The following MDGA2 variants were observed in gnomAD, a reference collection of about 807,000 sequenced individuals.
MDGA2 encodes MAM domain containing glycosylphosphatidylinositol anchor 2.
MDGA2 carries 40 observed loss-of-function variants against 117.8 expected under a neutral mutation model. The ratio of observed to expected loss-of-function variants is 0.34; its 90% CI spans 0.26 to 0.44. The LOEUF (loss-of-function observed/expected upper bound fraction) is 0.44. Among genes scored for constraint, MDGA2 ranks in the 20% least tolerant of loss-of-function variants. The probability of loss-of-function intolerance (pLI) is 1.00; values close to 1 mark genes in which losing one functional copy is unlikely to be tolerated. For synonymous variants in MDGA2, 452 were observed against 439.0 expected, an observed-to-expected ratio of 1.03 and a Z score of -0.37; for missense variants, 1,123 against 1,250.6, an observed-to-expected ratio of 0.90 and a Z score of 1.54.
At chr14:47,380,992 C>T (rs1049737497) in intron 1 of MDGA2, among the ~76,000 whole-genome samples, 2 of 152,156 alleles carry the variant, frequency 1.3e-5, no homozygotes, top group Non-Finnish European at 2.9e-5. Context: ...TCCAGCAGCA[C>T]ATCAAAAAGC....
In MDGA2 at chr14:47,132,344, C is replaced by G. The variant is rs557903499; in HGVS notation, c.793-498G>C. 3.9e-5 allele frequency among the ~76,000 whole-genome samples: 6 copies of G among 152,018 alleles called. No individual in the cohort carries two copies. The South Asian group carries it at 6.2e-4, about 16-fold the overall frequency. On this transcript the variant is annotated intron_variant, in intron 4 of 16. Coordinates refer to ENST00000399232, the MANE Select transcript of MDGA2 (RefSeq NM_001113498.3). Reference sequence around the variant, plus strand: ...ACGTAAATCTAATGATAGATAATTACATTTATAAACATAAATATTTTGTAT... The same window carrying G: ...ACGTAAATCTAATGATAGATAATTAGATTTATAAACATAAATATTTTGTAT...
At chr14:46,906,997 A>G (rs2933185) in intron 10 of MDGA2, among the ~76,000 whole-genome samples, 1,256 of 60,572 alleles carry the variant, frequency 0.021, 13 homozygotes, top group Middle Eastern at 0.11. Context: ...TTTTTTTTTG[A>G]GACGAGTCTT....
chr14:47,661,751 T>A (rs1353050501), intron 1 of MDGA2, among the ~76,000 whole-genome samples: 1 of 145,434 alleles, frequency 6.9e-6, no homozygotes, highest in East Asian at 2.0e-4. Context: ...AGTTTCTTTT[T>A]TTTTTTTTTT....
At chr14:47,194,880 T>C (rs1885234602) in intron 3 of MDGA2, among the ~76,000 whole-genome samples, 1 of 152,082 alleles carries the variant, frequency 6.6e-6, no homozygotes, top group African/African-American at 2.4e-5. Flanking sequence ...CTTCATGCCT[T>C]TCCCATAGCC....
At chr14:46,973,433 T>A (rs1959809) in intron 8 of MDGA2, among the ~76,000 whole-genome samples, 104,488 of 151,964 alleles carry the variant, frequency 0.69, 36,988 homozygotes, top group African/African-American at 0.81. Context: ...AGCTTATACA[T>A]AAAGCTTGCA....
chr14:47,478,814 C>CA (rs1186226306), intron 1 of MDGA2, among the ~76,000 whole-genome samples: 1 of 152,166 alleles, frequency 6.6e-6, no homozygotes, highest in African/African-American at 2.4e-5. Flanking sequence ...CAATGGATGA[C>CA]AGATCACGCT....
intron 1 of MDGA2, among the ~76,000 whole-genome samples, chr14:47,577,260 C>T (rs1488253860): frequency 6.6e-6 from 1 of 152,044 alleles, no homozygotes; most frequent in African/African-American, 2.4e-5. Context: ...CCCTTCCTTA[C>T]ACCTCATACA....
chr14:47,282,444 C>T (rs956873247), intron 2 of MDGA2, among the ~76,000 whole-genome samples: 6 of 152,046 alleles, frequency 3.9e-5, no homozygotes, highest in Non-Finnish European at 7.4e-5. Context: ...CTTTGGGAGG[C>T]TGAGGCAGAC....
intron 1 of MDGA2, among the ~76,000 whole-genome samples, chr14:47,468,186 T>C (rs1280536111): frequency 2.6e-5 from 4 of 152,118 alleles, no homozygotes; most frequent in African/African-American, 9.7e-5. Context: ...ATAGACAGTC[T>C]TAGGATAGCC....
chr14:46,871,035 CAA>C (rs916393701), intron 14 of MDGA2: 19 of 151,610 alleles, frequency 1.3e-4, no homozygotes, highest in African/African-American at 4.4e-4. Context: ...ATATTCAAAA[CAA>C]AGAGGAAACA....
chr14:46,983,288 ATCTC>A (rs1471483544), intron 8 of MDGA2, among the ~76,000 whole-genome samples: 1 of 152,038 alleles, frequency 6.6e-6, no homozygotes, highest in East Asian at 1.9e-4. Context: ...GCTTAGCTGA[ATCTC>A]TCTAATATTC....
intron 2 of MDGA2, among the ~76,000 whole-genome samples, chr14:47,287,391 T>A (rs1337719730): frequency 1.3e-5 from 2 of 152,190 alleles, no homozygotes; most frequent in Non-Finnish European, 2.9e-5. Context: ...ATATTTATCA[T>A]GTTCCACTTA....
At chr14:47,499,205 T>C (rs1829126427) in intron 1 of MDGA2, among the ~76,000 whole-genome samples, 1 of 152,156 alleles carries the variant, frequency 6.6e-6, no homozygotes, top group Non-Finnish European at 1.5e-5. Context: ...GCATAAAATG[T>C]ACCTGGCTGT....
intron 1 of MDGA2, among the ~76,000 whole-genome samples, chr14:47,664,839 C>T (rs1897913400): frequency 6.6e-6 from 1 of 152,160 alleles, no homozygotes; most frequent in South Asian, 2.1e-4. Flanking sequence ...TTGAGTTTAC[C>T]TCCAAAAGGA....
chr14:47,449,372 C>T (rs548397005), intron 1 of MDGA2, among the ~76,000 whole-genome samples: 1 of 152,100 alleles, frequency 6.6e-6, no homozygotes, highest in African/African-American at 2.4e-5. Context: ...ATTAGACTCA[C>T]CTCTACTATA....
intron 3 of MDGA2, among the ~76,000 whole-genome samples, chr14:47,145,698 G>C (rs1041544505): frequency 2.0e-5 from 3 of 152,034 alleles, no homozygotes; most frequent in Admixed American, 6.6e-5. Flanking sequence ...ATATTATTTA[G>C]GCTGTTGAAG....
In MDGA2 at chr14:47,038,390, C is replaced by T. The variant is rs147259892; in HGVS notation, c.1526-3086G>A. Among the ~76,000 whole-genome samples, 710 of 152,198 alleles carry T rather than the reference C, an allele frequency of 4.7e-3. 7 individuals are homozygous for T. The highest frequency in any genetic ancestry group is 0.016 in the African/African-American group (665 of 41,538). ...AAATGGATATTTAAACAACTTATTACATTAGACCGTTCAAATCACAATAGA... is the reference window on the plus strand; with the variant it reads ...AAATGGATATTTAAACAACTTATTATATTAGACCGTTCAAATCACAATAGA... On this transcript the variant is annotated intron_variant, in intron 7 of 16. Transcript: ENST00000399232.
At chr14:47,054,559 T>G (rs907898287) in intron 7 of MDGA2, among the ~76,000 whole-genome samples, 1 of 148,760 alleles carries the variant, frequency 6.7e-6, no homozygotes, top group Non-Finnish European at 1.5e-5. Flanking sequence ...AGTGAGAACA[T>G]GAGGTGTTTG....
chr14:47,324,273 T>A (rs528347586), intron 1 of MDGA2, among the ~76,000 whole-genome samples: 3 of 152,164 alleles, frequency 2.0e-5, no homozygotes, highest in Admixed American at 6.6e-5. Flanking sequence ...CTCTGAGTGA[T>A]GCAAAAGTAT....
Sources: allele counts gnomAD v4.1 joint callset (sites outside exome capture counted in the v4.1 genomes callset), GRCh38; gene constraint gnomAD v4.1.1; transcripts MANE v1.5; gene names NCBI Gene and HGNC (gene_info 2026-07-23, HGNC 2026-07-21).